The following PHF14 variants were observed in gnomAD, a reference collection of about 807,000 sequenced individuals.
PHF14 encodes the protein PHD finger protein 14.
Under a neutral mutation model 117.9 loss-of-function variants are expected in PHF14, and 55 were observed. That is an observed-to-expected ratio of 0.47 (90% CI 0.38 to 0.58). PHF14 has a LOEUF of 0.58. Among genes scored for constraint, PHF14 ranks in the 20% least tolerant of loss-of-function variants. The probability of loss-of-function intolerance (pLI) is 0.00; values close to 1 mark genes in which losing one functional copy is unlikely to be tolerated. For synonymous variants in PHF14, 409 were observed against 368.6 expected (o/e 1.11, Z -1.26); for missense variants, 978 against 1,122.2 (o/e 0.87, Z 1.84).
chr7:11,067,830 G>C (rs1328584151), intron 16 of PHF14, among the ~76,000 whole-genome samples: 1 of 152,104 alleles, frequency 6.6e-6, no homozygotes, highest in Non-Finnish European at 1.5e-5. Context: ...AAGAGAGGGG[G>C]AGATGCCAGG....
rs1328921600 is a variant in PHF14 at position 10,982,370 on chromosome 7, A to T, written c.113-2A>T. 1 of 1,533,250 alleles carries T rather than the reference A, an allele frequency of 6.5e-7. No individual in the cohort carries two copies. The highest frequency in any genetic ancestry group is 8.7e-7 in the Non-Finnish European group (1 of 1,146,218). 95.0% of individuals were successfully genotyped at this position (1,533,250 alleles called of 1,614,324 possible). On this transcript the variant is annotated splice_acceptor_variant, in intron 2 of 17. Transcript: ENST00000634607. LOFTEE classifies it high-confidence loss of function. ...GTTTTTTTTTTCTCATATTTTCAAC[A>T]GATTCTGAAGGGAGTGGTAATGGAA...
chr7:11,093,537 G>A lies in PHF14; in HGVS notation c.2655-17813G>A, dbSNP rs944155009. Among the ~76,000 whole-genome samples, 7 of 152,162 alleles carry A rather than the reference G, an allele frequency of 4.6e-5. No homozygotes were observed. The East Asian group carries it at 9.7e-4, about 21-fold the overall frequency. ...AGGTTGTAATGCCAGAGTGCTTTTCGTCATTTGTACTCCCCTGTTAAATTT... is the reference window on the plus strand; with the variant it reads ...AGGTTGTAATGCCAGAGTGCTTTTCATCATTTGTACTCCCCTGTTAAATTT... On this transcript the variant is annotated intron_variant, in intron 16 of 17. Coordinates refer to ENST00000634607, the MANE Select transcript of PHF14 (RefSeq NM_001007157.2).
intron 4 of PHF14, among the ~76,000 whole-genome samples, chr7:10,995,719 C>G (rs1233075206): frequency 2.6e-5 from 4 of 152,164 alleles, no homozygotes; most frequent in African/African-American, 9.7e-5. Flanking sequence ...TGAGGCCCGG[C>G]GAGAATTTGA....
chr7:11,077,285 A>C (rs1583442281), intron 16 of PHF14, among the ~76,000 whole-genome samples: 1 of 151,740 alleles, frequency 6.6e-6, no homozygotes, highest in Non-Finnish European at 1.5e-5. Flanking sequence ...ATTTGAATTA[A>C]CCAGTAGTGC....
Position 11,083,256 on chromosome 7 carries a change from C to G in PHF14, c.2654+21171C>G, listed in dbSNP as rs73283121. ...AGTAAATTTGCTTTGCTGAGAAATC[C>G]TTTGTCTGAGTGTTTGTTTTCCTTA... On this transcript the variant is annotated intron_variant, in intron 16 of 17. Transcript: ENST00000634607. Among the ~76,000 whole-genome samples the G allele has an allele frequency of 1.2e-3, 189 of 152,218 alleles. 2 individuals carry two copies. Among genetic ancestry groups the G allele is most frequent in the African/African-American group, 4.5e-3 (187 of 41,526 alleles).
At chr7:11,017,089 T>G (rs1783560042) in intron 5 of PHF14, among the ~76,000 whole-genome samples, 2 of 152,222 alleles carry the variant, frequency 1.3e-5, no homozygotes, top group Non-Finnish European at 2.9e-5. Context: ...TCTCATTCTT[T>G]TTTATGGCTT....
At chr7:11,074,896 C>A (rs1311987698) in intron 16 of PHF14, among the ~76,000 whole-genome samples, 1 of 151,942 alleles carries the variant, frequency 6.6e-6, no homozygotes, top group Non-Finnish European at 1.5e-5. Flanking sequence ...CAACCTCTGC[C>A]CATTACCCAG....
At chr7:11,166,325 G>T (rs117485183) in intron 17 of PHF14, among the ~76,000 whole-genome samples, 2,766 of 150,258 alleles carry the variant, frequency 0.018, 33 homozygotes, top group Middle Eastern at 0.045. Flanking sequence ...TATCTCAGCA[G>T]AGAGAAAAAA....
At chr7:11,002,904 G>A (rs1782927999) in intron 4 of PHF14, among the ~76,000 whole-genome samples, 1 of 152,106 alleles carries the variant, frequency 6.6e-6, no homozygotes, top group Non-Finnish European at 1.5e-5. Context: ...CTAAAGAGAT[G>A]TGCCACCTCT....
At chr7:11,000,383 T>A (rs1479398760) in intron 4 of PHF14, among the ~76,000 whole-genome samples, 2 of 142,464 alleles carry the variant, frequency 1.4e-5, no homozygotes, top group Admixed American at 1.4e-4. Context: ...TCTGTTGTTC[T>A]GGCTGGAGTG....
At chr7:11,163,145 A>T (rs1789098543) in intron 17 of PHF14, among the ~76,000 whole-genome samples, 1 of 152,128 alleles carries the variant, frequency 6.6e-6, no homozygotes. Flanking sequence ...TAGAGAAAAA[A>T]GGTAAGGTTT....
intron 16 of PHF14, chr7:11,105,886 C>T: frequency 2.0e-6 from 2 of 984,066 alleles, no homozygotes; most frequent in Non-Finnish European, 2.4e-6. Context: ...ATTGTAAAAT[C>T]AGGATCTACA....
At chr7:11,073,491 C>G (rs1260182156) in intron 16 of PHF14, among the ~76,000 whole-genome samples, 1 of 152,224 alleles carries the variant, frequency 6.6e-6, no homozygotes, top group Non-Finnish European at 1.5e-5. Flanking sequence ...TTGGGCAGCT[C>G]TGCTGCTGTG....
chr7:10,979,207 A>C (rs1781972939), intron 2 of PHF14, among the ~76,000 whole-genome samples: 1 of 152,160 alleles, frequency 6.6e-6, no homozygotes, highest in South Asian at 2.1e-4. Flanking sequence ...TTATTATTTG[A>C]TATTGTAAAG....
chr7:11,056,289 C>G (rs1005905882), intron 14 of PHF14, among the ~76,000 whole-genome samples: 10 of 152,102 alleles, frequency 6.6e-5, no homozygotes, highest in African/African-American at 2.4e-4. Context: ...ATAGGTGGAG[C>G]TTTCAAGACT....
In PHF14 at chr7:11,020,280, A is replaced by C. The variant is rs538151074; in HGVS notation, c.1206-2588A>C. The stretch of plus-strand genomic sequence containing the variant: ...ATGTTTGTATTTTTCTGTAGAGACG[A>C]GGTTTCAACCTGTTGCCCAGGCTGG... On this transcript the variant is annotated intron_variant, in intron 5 of 17. Transcript: ENST00000634607. Among the ~76,000 whole-genome samples the C allele has an allele frequency of 2.0e-5, 3 of 152,108 alleles. No homozygotes were observed. The South Asian group carries it at 6.2e-4, about 32-fold the overall frequency.
intron 16 of PHF14, among the ~76,000 whole-genome samples, chr7:11,098,485 G>C (rs117151440): frequency 0.02 from 3,013 of 152,044 alleles, 41 homozygotes; most frequent in Middle Eastern, 0.044. Flanking sequence ...TTTATTGCTA[G>C]TGTATAATTG....
chr7:11,164,189 G>A (rs10245045), intron 17 of PHF14, among the ~76,000 whole-genome samples: 70,558 of 151,852 alleles, frequency 0.46, 17,320 homozygotes, highest in African/African-American at 0.62. Flanking sequence ...TTTGCCTGCT[G>A]TGAAGAACAT....
At chr7:11,109,800 T>A (rs766909167) in intron 16 of PHF14, 20 of 151,946 alleles carry the variant, frequency 1.3e-4, no homozygotes, top group Non-Finnish European at 2.5e-4. Context: ...AATAAAGTAC[T>A]GTTGGTCCTA....
Sources: gnomAD v4.1 joint callset for allele counts (sites outside exome capture counted in the v4.1 genomes callset) on GRCh38, gnomAD v4.1.1 for gene constraint, MANE v1.5 for transcripts, NCBI Gene and HGNC (gene_info 2026-07-23, HGNC 2026-07-21) for gene names.